ZHX2: variants seen among roughly 807,000 people sequenced by gnomAD.
ZHX2 encodes zinc fingers and homeoboxes protein 2.
ZHX2 carries 6 observed loss-of-function variants against 21.9 expected under a neutral mutation model. The observed-to-expected ratio is 0.27, with a 90% confidence interval of 0.15 to 0.54. The LOEUF is 0.54. Ranked by LOEUF, ZHX2 falls within the 20% of genes least tolerant of loss-of-function variation. The pLI, the probability that ZHX2 is intolerant of heterozygous loss-of-function variation, is 0.95. For missense variants in ZHX2, 908 were observed against 1,090.7 expected (o/e 0.83, Z 2.36); for synonymous variants, 434 against 437.1 (o/e 0.99, Z 0.09).
intron 1 of ZHX2, among the ~76,000 whole-genome samples, chr8:122,783,713 T>C (rs1212304661): frequency 1.3e-5 from 2 of 152,194 alleles, no homozygotes; most frequent in Non-Finnish European, 2.9e-5. Context: ...AATGGCATGT[T>C]TAATAGTAAA....
chr8:122,794,963 T>G lies in ZHX2; in HGVS notation c.-283+13017T>G, dbSNP rs562039264. On this transcript the variant is annotated intron_variant, in intron 1 of 3. Transcript: ENST00000314393. ...CCTGTTAGAAATCTAAGCTGGTGGA[T>G]TTTGATCTGTTTGTACATCTGCATC... Among the ~76,000 whole-genome samples the G allele has an allele frequency of 7.7e-4, 118 of 152,314 alleles. 2 individuals carry two copies. Among genetic ancestry groups the G allele is most frequent in the African/African-American group, 2.5e-3 (104 of 41,574 alleles).
intron 1 of ZHX2, among the ~76,000 whole-genome samples, chr8:122,819,488 AAGG>A (rs544908632): frequency 7.4e-4 from 113 of 152,348 alleles, no homozygotes; most frequent in African/African-American, 2.6e-3. Context: ...CTTGGTTTGA[AAGG>A]AGGAGAAAAA....
intron 1 of ZHX2, among the ~76,000 whole-genome samples, chr8:122,839,427 C>T (rs1818574438): frequency 6.6e-6 from 1 of 152,216 alleles, no homozygotes; most frequent in African/African-American, 2.4e-5. Flanking sequence ...TGGCAGAGGC[C>T]TGCCCGGCTC....
intron 2 of ZHX2, among the ~76,000 whole-genome samples, chr8:122,950,392 G>T (rs1405133366): frequency 6.6e-6 from 1 of 152,042 alleles, no homozygotes; most frequent in African/African-American, 2.4e-5. Context: ...ATGGACACAG[G>T]GAGGGGAACG....
At chr8:122,947,952 G>A (rs1019004550) in intron 2 of ZHX2, among the ~76,000 whole-genome samples, 6 of 152,138 alleles carry the variant, frequency 3.9e-5, no homozygotes, top group African/African-American at 7.2e-5. Context: ...TGGAGGTGGC[G>A]GTTTGGGCAT....
At chr8:122,895,626 T>C (rs1276136591) in intron 2 of ZHX2, among the ~76,000 whole-genome samples, 2 of 152,082 alleles carry the variant, frequency 1.3e-5, no homozygotes, top group Non-Finnish European at 2.9e-5. Flanking sequence ...GACCAGATAT[T>C]TTCACACCCA....
At position 122,895,399 on chromosome 8, in the gene ZHX2, A is replaced by T. The variant is rs570027714; in HGVS notation, c.-220+31860A>T. Among the ~76,000 whole-genome samples the T allele has an allele frequency of 2.0e-5, 3 of 152,352 alleles. No homozygotes were observed. In the South Asian group the frequency reaches 6.2e-4, roughly 32 times the overall value. On this transcript the variant is annotated intron_variant, in intron 2 of 3. Coordinates refer to ENST00000314393, the MANE Select transcript of ZHX2 (RefSeq NM_014943.5). ...ATGAGCTGCCAGGAGATGCTACTGCATGGCACAGGAAGAACGTGTGACCAC... is the reference window on the plus strand; with the variant it reads ...ATGAGCTGCCAGGAGATGCTACTGCTTGGCACAGGAAGAACGTGTGACCAC...
At chr8:122,930,197 G>C (rs1450608997) in intron 2 of ZHX2, among the ~76,000 whole-genome samples, 3 of 152,156 alleles carry the variant, frequency 2.0e-5, no homozygotes, top group Non-Finnish European at 2.9e-5. Context: ...GAAATGTTTT[G>C]TGGGCTGCAA....
chr8:122,813,145 A>G (rs1964455), intron 1 of ZHX2, among the ~76,000 whole-genome samples: 132,773 of 150,580 alleles, frequency 0.88, 58,680 homozygotes, highest in Middle Eastern at 0.96. Flanking sequence ...GTGGTGAGCC[A>G]AGATCACGCC....
chr8:122,867,848 C>A (rs1011204649), intron 2 of ZHX2, among the ~76,000 whole-genome samples: 1 of 152,138 alleles, frequency 6.6e-6, no homozygotes, highest in Non-Finnish European at 1.5e-5. Context: ...TAGCTTTTTT[C>A]TTGCAATATG....
At position 122,850,639 on chromosome 8, in the gene ZHX2, C is replaced by CAAAA. The variant is rs60682747; in HGVS notation, c.-282-12822_-282-12819dup. ...TGGGCAAGAAAGCGAGACTCTGTCT[C>CAAAA]AAAAAAAAAAAAAAAAAAATGCCAC... On this transcript the variant is annotated intron_variant, in intron 1 of 3. Transcript: ENST00000314393. 8.4e-4 allele frequency among the ~76,000 whole-genome samples: 96 copies of CAAAA among 114,128 alleles called. 3 individuals are homozygous for CAAAA. Among genetic ancestry groups the CAAAA allele is most frequent in the South Asian group, 2.6e-3 (9 of 3,462 alleles). The allele number at this position is 114,128 out of a possible 152,430, so 74.9% of individuals were successfully genotyped here.
At chr8:122,945,597 A>C (rs1246410387) in intron 2 of ZHX2, among the ~76,000 whole-genome samples, 1 of 152,214 alleles carries the variant, frequency 6.6e-6, no homozygotes, top group East Asian at 1.9e-4. Flanking sequence ...ATGTAAAGGC[A>C]GCAAGGGTGT....
chr8:122,816,704 A>G (rs1932980527), intron 1 of ZHX2, among the ~76,000 whole-genome samples: 1 of 152,042 alleles, frequency 6.6e-6, no homozygotes, highest in Admixed American at 6.5e-5. Flanking sequence ...GCCTTTACAA[A>G]TATTAGCTCA....
At chr8:122,912,099 G>C in intron 2 of ZHX2, among the ~76,000 whole-genome samples, 1 of 152,134 alleles carries the variant, frequency 6.6e-6, no homozygotes, top group East Asian at 1.9e-4. Flanking sequence ...TTGCAAACTG[G>C]GTTCATGAAG....
At chr8:122,920,813 A>G (rs986756215) in intron 2 of ZHX2, among the ~76,000 whole-genome samples, 1 of 152,190 alleles carries the variant, frequency 6.6e-6, no homozygotes, top group African/African-American at 2.4e-5. Context: ...TGATGAGCAC[A>G]AGTCACCCAC....
intron 2 of ZHX2, among the ~76,000 whole-genome samples, chr8:122,920,024 AGC>A: frequency 6.6e-6 from 1 of 152,344 alleles, no homozygotes; most frequent in East Asian, 1.9e-4. Flanking sequence ...CTGTAATCCC[AGC>A]ACTTTGGGAG....
chr8:122,908,925 G>T (rs1310082074), intron 2 of ZHX2, among the ~76,000 whole-genome samples: 1 of 152,190 alleles, frequency 6.6e-6, no homozygotes, highest in Non-Finnish European at 1.5e-5. Flanking sequence ...CCAGGGGCTG[G>T]TGGATACATT....
intron 1 of ZHX2, among the ~76,000 whole-genome samples, chr8:122,862,843 A>G (rs1469486480): frequency 6.6e-6 from 1 of 152,166 alleles, no homozygotes; most frequent in Non-Finnish European, 1.5e-5. Context: ...TGTGCGCCGC[A>G]GGTGGCCTCT....
At chr8:122,853,464 T>C (rs1334172677) in intron 1 of ZHX2, among the ~76,000 whole-genome samples, 1 of 152,124 alleles carries the variant, frequency 6.6e-6, no homozygotes, top group Non-Finnish European at 1.5e-5. Context: ...CCTCCCTGGA[T>C]AAAACCTTCT....
Sources: gnomAD v4.1 joint callset for allele counts (sites outside exome capture counted in the v4.1 genomes callset) on GRCh38, gnomAD v4.1.1 for gene constraint, MANE v1.5 for transcripts, NCBI Gene and HGNC (gene_info 2026-07-23, HGNC 2026-07-21) for gene names.